Variants in SDSL observed in about 807,000 individuals in gnomAD.
SDSL encodes the protein serine dehydratase-like.
A neutral mutation model predicts 27.6 loss-of-function variants in SDSL; 26 were observed. That is an observed-to-expected ratio of 0.94 (90% confidence interval 0.69 to 1.31). The LOEUF (loss-of-function observed/expected upper bound fraction) is 1.31, where lower values mean the gene tolerates loss of function less well. Among genes scored for constraint, SDSL ranks in the 50% most tolerant of loss-of-function variants. The pLI is 0.00. For synonymous variants in SDSL, 196 were observed against 180.6 expected, an observed-to-expected ratio of 1.09 and a Z score of -0.69; for missense variants, 431 against 423.5, an observed-to-expected ratio of 1.02 and a Z score of -0.16.
rs1210478508 is a variant in SDSL, at chr12:113,432,960, G to A, written c.355-1174G>A. On this transcript the variant is annotated intron_variant, in intron 4 of 7. Coordinates refer to ENST00000403593, the MANE Select transcript of SDSL (RefSeq NM_001304993.2). ...TGATTCCATGTCTTTGCTATTGTGA[G>A]TACTGCTGTGATGAACACACAAATG... is the stretch of plus-strand genomic sequence containing the variant. Among the ~76,000 whole-genome samples the A allele has an allele frequency of 2.0e-5, 3 of 152,300 alleles. No homozygotes were observed. In the East Asian group the frequency reaches 5.8e-4, roughly 29 times the overall value.
chr12:113,435,376 C>A lies in SDSL; in HGVS notation c.491C>A (p.Thr164Asn), dbSNP rs1738233894. 2 of 1,599,686 alleles carry A rather than the reference C, an allele frequency of 1.3e-6. No individual in the cohort carries two copies. Among genetic ancestry groups the A allele is most frequent in the Non-Finnish European group, 1.7e-6 (2 of 1,173,480 alleles). ...LVQELKAVLR[T>N]PPGALVLAVG... The stretch of plus-strand genomic sequence containing the variant: ...CAGGAGCTGAAAGCAGTGCTGAGGA[C>A]CCCACCAGGTGCCCTGGTGCTGGCA... Residue 164 changes from threonine (T) to asparagine (N), a missense_variant, in exon 6 of 8, where the codon ACC (threonine) becomes AAC (asparagine). By Grantham distance (65) the Thr-to-Asn change is moderately conservative. Coordinates refer to ENST00000403593, the MANE Select transcript of SDSL (RefSeq NM_001304993.2).
chr12:113,435,564 A>G lies in SDSL; in HGVS notation c.671+8A>G. The G allele has an allele frequency of 6.2e-7, 1 of 1,608,788 alleles. No homozygotes were observed. The highest frequency in any genetic ancestry group is 8.5e-7 in the Non-Finnish European group (1 of 1,176,444). On this transcript the variant is annotated splice_region_variant and intron_variant, in intron 6 of 7. Transcript: ENST00000403593. ...ACTTCCAGACATCACCAGGTGGGTA[A>G]GGGCTGGGGACATTTGTAGGGGCTG...
chr12:113,433,580 G>A (rs1255880010), intron 4 of SDSL, among the ~76,000 whole-genome samples: 2 of 152,192 alleles, frequency 1.3e-5, no homozygotes, highest in African/African-American at 4.8e-5. Context: ...GAATGAGCAG[G>A]GGACCTGGAT....
Position 113,438,098 on chromosome 12 carries a change from C to A in SDSL, c.*19C>A. Reference sequence around the variant, plus strand: ...GGTCTGAGGGGTCCCATCCTGGCCCCAAAGACCCCTGAGAGGCCCATGGAC... The same window carrying A: ...GGTCTGAGGGGTCCCATCCTGGCCCAAAAGACCCCTGAGAGGCCCATGGAC... On this transcript the variant is annotated 3_prime_UTR_variant, in exon 8 of 8. Transcript: ENST00000403593. 6.2e-7 allele frequency: 1 copy of A among 1,602,768 alleles called. No homozygotes were observed. The highest frequency in any genetic ancestry group is 1.1e-5 in the South Asian group (1 of 90,056).
chr12:113,437,783 G>A (rs1357543342), intron 7 of SDSL, 103 bp from the exon 8 acceptor site: 8 of 1,045,538 alleles, frequency 7.7e-6, no homozygotes, highest in Non-Finnish European at 9.7e-6. Flanking sequence ...ATGGCTGACT[G>A]GCTGGAGAGA....
At chr12:113,429,922 C>T (rs2136953412) in intron 4 of SDSL, among the ~76,000 whole-genome samples, 1 of 151,828 alleles carries the variant, frequency 6.6e-6, no homozygotes, top group East Asian at 1.9e-4. Flanking sequence ...TTCCTTCCCT[C>T]CCTCTCTTCT....
At position 113,435,311 on chromosome 12, in the gene SDSL, C is replaced by G. The variant is rs375538140; in HGVS notation, c.444-18C>G. The stretch of plus-strand genomic sequence containing the variant: ...GTCCTCCCTCACTCTGCTTCTCCCT[C>G]TCACCCCCCCTCCCCAGGAAAGGCC... On this transcript the variant is annotated intron_variant, in intron 5 of 7. Coordinates refer to ENST00000403593, the MANE Select transcript of SDSL (RefSeq NM_001304993.2). The G allele has an allele frequency of 3.2e-4, 471 of 1,478,534 alleles. 1 individual carries two copies. In the African/African-American group the frequency reaches 4.2e-3, roughly 13 times the overall value. The allele number at this position is 1,478,534 out of a possible 1,614,324, so 91.6% of individuals were successfully genotyped here.
chr12:113,428,920 G>GT lies in SDSL; in HGVS notation c.215-228dup, dbSNP rs552679428. 2.5e-3 allele frequency among the ~76,000 whole-genome samples: 353 copies of GT among 140,976 alleles called. 2 individuals carry two copies. Among genetic ancestry groups the GT allele is most frequent in the South Asian group, 0.012 (51 of 4,338 alleles). 92.5% of individuals were successfully genotyped at this position (140,976 alleles called of 152,430 possible). A position where few individuals can be genotyped will look rare whatever the true frequency, so the allele number is the denominator to read the frequency against. On this transcript the variant is annotated intron_variant, in intron 3 of 7. Coordinates refer to ENST00000403593, the MANE Select transcript of SDSL (RefSeq NM_001304993.2). The stretch of plus-strand genomic sequence containing the variant: ...GATGCCTCGCCTCAATCCTGGAATT[G>GT]TTTTTTTTTTTTGGCCCCGCTTGGG...
Position 113,429,252 on chromosome 12 carries a change from G to A in SDSL, c.307G>A (p.Val103Met), listed in dbSNP as rs767860524. 21 of 1,613,464 alleles carry A rather than the reference G, an allele frequency of 1.3e-5. No individual in the cohort carries two copies. The highest frequency in any genetic ancestry group is 1.8e-5 in the Non-Finnish European group (21 of 1,179,614). ...CCCCGAGAGCACCTCCCTGCAGGTG[G>A]TGCAGAGGCTGCAGGGGGAGGGGGC... ...VLPESTSLQV[V>M]QRLQGEGAEV... The change falls in exon 4 of 8, where the codon GTG becomes ATG. Residue 103 changes from valine to methionine, a missense_variant. Coordinates refer to ENST00000403593, the MANE Select transcript of SDSL (RefSeq NM_001304993.2).
rs1390340328 is a variant in SDSL at position 113,428,431 on chromosome 12, G to A, written c.186G>A (p.Lys62=). Residue 62 remains lysine, a synonymous_variant, in exon 3 of 8, where the codon AAG becomes AAA. Coordinates refer to ENST00000403593, the MANE Select transcript of SDSL (RefSeq NM_001304993.2). ...IGHFCQEMAK[K]GCRHLVCSSG... is the part of the protein sequence containing the mutation. ...CCTTCTCTTCCCAGATGGCCAAGAA[G>A]GGATGCAGACACCTGGTGTGCTCCT... 7 of 1,612,428 alleles carry A rather than the reference G, an allele frequency of 4.3e-6. No individual in the cohort carries two copies. Among genetic ancestry groups the A allele is most frequent in the Middle Eastern group, 1.8e-4 (1 of 5,532 alleles).
At chr12:113,427,765 A>G (rs1957866696) in intron 1 of SDSL, among the ~76,000 whole-genome samples, 197 bp from the exon 2 acceptor site, 1 of 152,252 alleles carries the variant, frequency 6.6e-6, no homozygotes. Flanking sequence ...AAAGGACCCC[A>G]GGCCAAACTT....
intron 3 of SDSL, 148 bp from the exon 4 acceptor site, chr12:113,429,012 A>G (rs1433734823): frequency 2.2e-6 from 2 of 911,418 alleles, no homozygotes; most frequent in Non-Finnish European, 3.2e-6. Context: ...AACCTAAATT[A>G]TGTGTCCCCC....
Position 113,435,459 on chromosome 12 carries a change from C to A in SDSL, c.574C>A (p.Gln192Lys), listed in dbSNP as rs781419073. Reference protein sequence around the residue: ...VVAGLLEVGWQHVPIIAMETH... With the variant: ...VVAGLLEVGWKHVPIIAMETH... The stretch of plus-strand genomic sequence containing the variant: ...GGCTGGCCTGCTGGAGGTGGGCTGG[C>A]AGCATGTACCCATCATTGCCATGGA... The change falls in exon 6 of 8, where the codon CAG (glutamine) becomes AAG (lysine). Residue 192 changes from glutamine to lysine, a missense_variant. Physicochemically the swap from Gln to Lys is moderately conservative, Grantham distance 53. Transcript: ENST00000403593. 2.5e-6 allele frequency: 4 copies of A among 1,614,042 alleles called. No individual in the cohort carries two copies. In the East Asian group the frequency reaches 8.9e-5, roughly 36 times the overall value.
At chr12:113,436,652 G>T (rs558899964) in intron 6 of SDSL, 99 bp from the exon 7 acceptor site, 228 of 1,261,958 alleles carry the variant, frequency 1.8e-4, no homozygotes, top group Non-Finnish European at 2.1e-4. Context: ...CCAGCCCATG[G>T]CAGGATGGGA....
rs773756087 is a variant in SDSL at position 113,428,418 on chromosome 12, A to G, written c.175-2A>G. 6.8e-6 allele frequency: 11 copies of G among 1,611,768 alleles called. No individual in the cohort carries two copies. In the Admixed American group the frequency reaches 1.8e-4, roughly 27 times the overall value. ...CGCTAACCCCATTCCTTCTCTTCCC[A>G]GATGGCCAAGAAGGGATGCAGACAC... On this transcript the variant is annotated splice_acceptor_variant, in intron 2 of 7. Transcript: ENST00000403593. LOFTEE classifies it high-confidence loss of function.
chr12:113,435,322 TC>T lies in SDSL; in HGVS notation c.444-3del. ...CTCTGCTTCTCCCTCTCACCCCCCC[TC>T]CCCAGGAAAGGCCACGCCAGCCTGG... is the stretch of plus-strand genomic sequence containing the variant. On this transcript the variant is annotated splice_polypyrimidine_tract_variant and splice_region_variant and intron_variant, in intron 5 of 7. Transcript: ENST00000403593. 1.3e-6 allele frequency: 2 copies of T among 1,493,126 alleles called. No individual in the cohort carries two copies. The highest frequency in any genetic ancestry group is 1.3e-5 in the South Asian group (1 of 74,706). 92.5% of individuals were successfully genotyped at this position (1,493,126 alleles called of 1,614,324 possible).
chr12:113,425,573 G>T, intron 1 of SDSL: 1 of 437,706 alleles, frequency 2.3e-6, no homozygotes, highest in Non-Finnish European at 4.6e-6. Context: ...TTTCTGCCTG[G>T]GACAAGAGGA....
chr12:113,434,062 C>G, intron 4 of SDSL, 72 bp from the exon 5 acceptor site: 1 of 1,280,572 alleles, frequency 7.8e-7, no homozygotes, highest in Non-Finnish European at 1.1e-6. Flanking sequence ...CCAAGGAGAT[C>G]CTGGGCCTCT....
At chr12:113,432,244 CTT>C (rs1189712532) in intron 4 of SDSL, among the ~76,000 whole-genome samples, 1 of 137,570 alleles carries the variant, frequency 7.3e-6, no homozygotes, top group African/African-American at 2.9e-5. Context: ...TTCTTTCTTT[CTT>C]TCTTTCTTTC....
Sources: allele counts gnomAD v4.1 joint callset (sites outside exome capture counted in the v4.1 genomes callset), GRCh38; gene constraint gnomAD v4.1.1; transcripts MANE v1.5; gene names NCBI Gene and HGNC (gene_info 2026-07-23, HGNC 2026-07-21).